The following ZAP70 variants were observed in gnomAD, a reference collection of about 807,000 sequenced individuals.
The protein encoded by ZAP70 is zeta chain of T cell receptor associated protein kinase 70, also known as tyrosine-protein kinase ZAP-70.
A neutral mutation model predicts 65.8 loss-of-function variants in ZAP70; 27 were observed. The observed-to-expected ratio is 0.41, with a 90% CI of 0.30 to 0.57. The LOEUF (loss-of-function observed/expected upper bound fraction) is 0.57, where lower values mean the gene tolerates loss of function less well. ZAP70 is among the 20% of genes least tolerant of loss of function. ZAP70 has a pLI of 0.28. For synonymous variants in ZAP70, 363 were observed against 360.8 expected (o/e 1.01, Z -0.07); for missense variants, 696 against 870.5 (o/e 0.80, Z 2.52).
intron 3 of ZAP70, chr2:97,724,870 A>G (rs1211444566): frequency 1.3e-6 from 2 of 1,529,062 alleles, no homozygotes; most frequent in Non-Finnish European, 1.7e-6. Context: ...CAAGCTGGAG[A>G]TGCGCTTGGG....
chr2:97,721,878 C>T (rs962853581), intron 2 of ZAP70, among the ~76,000 whole-genome samples: 10 of 150,846 alleles, frequency 6.6e-5, no homozygotes, highest in African/African-American at 2.0e-4. Flanking sequence ...CCTCCGCCTC[C>T]CAGGTTCAAG....
chr2:97,721,080 C>T (rs1031705362), intron 2 of ZAP70, among the ~76,000 whole-genome samples: 10 of 152,148 alleles, frequency 6.6e-5, no homozygotes, highest in South Asian at 4.1e-4. Context: ...AACTCAGAAC[C>T]GCTATGGAGA....
chr2:97,724,796 G>C (rs1677313154), intron 3 of ZAP70: 2 of 1,508,178 alleles, frequency 1.3e-6, no homozygotes, highest in Non-Finnish European at 1.8e-6. Flanking sequence ...TGTTGGGGAA[G>C]ATGGGCAGTA....
downstream of ZAP70, among the ~76,000 whole-genome samples, chr2:97,740,634 G>A (rs553462077): frequency 6.6e-6 from 1 of 152,254 alleles, no homozygotes; most frequent in South Asian, 2.1e-4. Flanking sequence ...ACCCACCAGA[G>A]ATGTCCGCTG....
At chr2:97,750,525 T>C in the ZAP70 span, among the ~76,000 whole-genome samples, 1 of 152,220 alleles carries the variant, frequency 6.6e-6, no homozygotes, top group African/African-American at 2.4e-5. Flanking sequence ...AGAAATGGTG[T>C]GCAGTACCAT....
the ZAP70 span, among the ~76,000 whole-genome samples, chr2:97,756,104 T>A: frequency 6.6e-6 from 1 of 152,344 alleles, no homozygotes; most frequent in Admixed American, 6.5e-5. Flanking sequence ...GGAAAACGCT[T>A]ACTGGATGAA....
chr2:97,738,357 G>A (rs1292272200), intron 13 of ZAP70: 1 of 563,544 alleles, frequency 1.8e-6, no homozygotes, highest in Non-Finnish European at 3.2e-6. Flanking sequence ...TAAAACCTCA[G>A]CCATCACTCA....
At chr2:97,724,505 G>C (rs1322059321) in intron 3 of ZAP70, 67 bp downstream of exon 3, 10 of 1,509,754 alleles carry the variant, frequency 6.6e-6, no homozygotes, top group African/African-American at 1.4e-5. Context: ...CGAGGGTTTT[G>C]GGGGGATAGG....
In ZAP70 at chr2:97,715,517, C is replaced by G. The variant is rs1017038058; in HGVS notation, c.-22+1523C>G. On this transcript the variant is annotated intron_variant, in intron 2 of 13. Coordinates refer to ENST00000264972, the MANE Select transcript of ZAP70 (RefSeq NM_001079.4). This position sits in a 1 kb window ranked among gnomAD's most constrained non-coding sequence, Gnocchi z 4.1. ...GTGGAGGCCGGAGTTGGGGGCCTCA[C>G]TGGAGGGGCGGTGGAAGGGCATTGT... Among the ~76,000 whole-genome samples, 6 of 152,190 alleles carry G rather than the reference C, an allele frequency of 3.9e-5. No individual in the cohort carries two copies. Among genetic ancestry groups the G allele is most frequent in the African/African-American group, 1.4e-4 (6 of 41,446 alleles).
In ZAP70 at chr2:97,715,138, G is replaced by C. The variant is rs1268187611; in HGVS notation, c.-22+1144G>C. Among the ~76,000 whole-genome samples, 1 of 152,166 alleles carries C rather than the reference G, an allele frequency of 6.6e-6. No individual in the cohort carries two copies. On this transcript the variant is annotated intron_variant, in intron 2 of 13. Coordinates refer to ENST00000264972, the MANE Select transcript of ZAP70 (RefSeq NM_001079.4). The surrounding 1 kb of genome is among the most constrained non-coding windows in gnomAD (Gnocchi z 4.1). Reference sequence around the variant, plus strand: ...ACTCCACAGTTCCTGTATGCTCTCCGGGGCTGCAGCACCCAGACCACCCCG... The same window carrying C: ...ACTCCACAGTTCCTGTATGCTCTCCCGGGCTGCAGCACCCAGACCACCCCG...
chr2:97,748,935 G>C, the ZAP70 span, among the ~76,000 whole-genome samples: 1 of 151,918 alleles, frequency 6.6e-6, no homozygotes, highest in African/African-American at 2.4e-5. Context: ...CTCTTCTTAG[G>C]TCCGTGACGG....
At chr2:97,727,040 G>A (rs1003824351) in intron 4 of ZAP70, among the ~76,000 whole-genome samples, 1 of 152,270 alleles carries the variant, frequency 6.6e-6, no homozygotes, top group Non-Finnish European at 1.5e-5. Context: ...GGGTGATGGG[G>A]ATGAGCTGGC....
chr2:97,739,510 C>T lies in ZAP70; in HGVS notation c.*12C>T. 1 of 1,610,918 alleles carries T rather than the reference C, an allele frequency of 6.2e-7. No individual in the cohort carries two copies. The highest frequency in any genetic ancestry group is 8.5e-7 in the Non-Finnish European group (1 of 1,179,144). On this transcript the variant is annotated 3_prime_UTR_variant, in exon 14 of 14. Coordinates refer to ENST00000264972, the MANE Select transcript of ZAP70 (RefSeq NM_001079.4). ...CTGCCTGTGCCTGAGCTCCCGCTGC[C>T]CAGGGGAGCCCTCCACGCCGGCTCT...
chr2:97,716,597 A>T (rs974451319), intron 2 of ZAP70, among the ~76,000 whole-genome samples: 1 of 152,142 alleles, frequency 6.6e-6, no homozygotes, highest in Admixed American at 6.5e-5. Flanking sequence ...TTGGAGGAAG[A>T]GTCTCCAGGC....
chr2:97,725,454 C>T (rs990058817), intron 4 of ZAP70, among the ~76,000 whole-genome samples: 15 of 152,182 alleles, frequency 9.9e-5, no homozygotes, highest in African/African-American at 3.1e-4. Context: ...CCTCCAGACT[C>T]GGTCCCTTGG....
the ZAP70 span, among the ~76,000 whole-genome samples, chr2:97,748,201 A>G: frequency 0.013 from 2,028 of 152,304 alleles, 49 homozygotes; most frequent in African/African-American, 0.046. Context: ...CAATGGCTAC[A>G]TTAGGAATAT....
chr2:97,717,134 C>T (rs1199597047), intron 2 of ZAP70, among the ~76,000 whole-genome samples: 1 of 152,160 alleles, frequency 6.6e-6, no homozygotes, highest in Non-Finnish European at 1.5e-5. Flanking sequence ...CACAGGCGGC[C>T]CGAGCACAGC....
intron 8 of ZAP70, chr2:97,734,172 G>A (rs1380234529): frequency 1.4e-5 from 5 of 360,358 alleles, no homozygotes; most frequent in Non-Finnish European, 2.5e-5. Flanking sequence ...TCGTAAATGT[G>A]GCTGTGTGCT....
In ZAP70 at chr2:97,737,455, C is replaced by T. The variant is rs374216712; in HGVS notation, c.1290-18C>T. The T allele has an allele frequency of 6.2e-7, 1 of 1,613,730 alleles. No homozygotes were observed. Among genetic ancestry groups the T allele is most frequent in the Non-Finnish European group, 8.5e-7 (1 of 1,179,822 alleles). On this transcript the variant is annotated intron_variant, in intron 10 of 13. Transcript: ENST00000264972. This position sits in a 1 kb window ranked among gnomAD's most constrained non-coding sequence, Gnocchi z 5.0. ...GCTAGTCTTCTCCCAGCTGACCCCG[C>T]CTTCCCCGCCACCCCAGGGAGGAGA...
Sources: gnomAD v4.1 joint callset for allele counts (sites outside exome capture counted in the v4.1 genomes callset) on GRCh38, gnomAD v4.1.1 for gene constraint, Gnocchi (gnomAD v3.1) non-coding constraint, MANE v1.5 for transcripts, NCBI Gene and HGNC (gene_info 2026-07-23, HGNC 2026-07-21) for gene names.